OR2C1: variants seen among roughly 807,000 people sequenced by gnomAD.
OR2C1 encodes olfactory receptor family 2 subfamily C member 1, also known as olfactory receptor 2C1.
For missense variants in OR2C1, 468 were observed against 388.3 expected, an observed-to-expected ratio of 1.21 and a Z score of -1.73; for synonymous variants, 209 against 167.3, an observed-to-expected ratio of 1.25 and a Z score of -1.92.
Position 3,356,583 on chromosome 16 carries a change from GTGATCTCCTACTGCCTCA to G in OR2C1, c.645_662del (p.Ile216_Ile221del). The stretch of plus-strand genomic sequence containing the variant: ...CACTGCAGTCCCACTAAGCATCATC[GTGATCTCCTACTGCCTCA>G]TTGCTCAGGCAGTGCTGAAAATCCG... On this transcript the variant is annotated inframe_deletion, in exon 1 of 1. Coordinates refer to ENST00000304936, the MANE Select transcript of OR2C1 (RefSeq NM_012368.3). The G allele has an allele frequency of 6.2e-7, 1 of 1,614,136 alleles. No homozygotes were observed. The highest frequency in any genetic ancestry group is 8.5e-7 in the Non-Finnish European group (1 of 1,180,038).
chr16:3,323,621 A>G, the OR2C1 span: 7 of 728,852 alleles, frequency 9.6e-6, no homozygotes, highest in African/African-American at 1.7e-5. Context: ...TGTCTGCACC[A>G]GTAGACTCAC....
At chr16:3,329,401 A>T in the OR2C1 span, among the ~76,000 whole-genome samples, 1 of 152,214 alleles carries the variant, frequency 6.6e-6, no homozygotes, top group South Asian at 2.1e-4. Flanking sequence ...ATAAGAATAA[A>T]GGCCAAAAAG....
At chr16:3,352,738 CTTTTT>C (rs56083973), upstream of OR2C1, among the ~76,000 whole-genome samples, 4 of 113,134 alleles carry the variant, frequency 3.5e-5, no homozygotes, top group South Asian at 3.0e-4. Context: ...TTCTTTCTTT[CTTTTT>C]TTTTTTTTTT....
chr16:3,341,224 T>A, the OR2C1 span, among the ~76,000 whole-genome samples: 1 of 152,038 alleles, frequency 6.6e-6, no homozygotes, highest in Non-Finnish European at 1.5e-5. Context: ...AATTAAATTA[T>A]TTTTATAATT....
the OR2C1 span, among the ~76,000 whole-genome samples, chr16:3,339,389 T>G: frequency 6.6e-6 from 1 of 151,948 alleles, no homozygotes; most frequent in African/African-American, 2.4e-5. Context: ...AGTGGAATTG[T>G]GGGGTTGTAT....
chr16:3,331,059 A>G, the OR2C1 span, among the ~76,000 whole-genome samples: 2 of 152,134 alleles, frequency 1.3e-5, no homozygotes, highest in Non-Finnish European at 2.9e-5. Context: ...TTGTTTCCTG[A>G]CTTTTTAATG....
the OR2C1 span, among the ~76,000 whole-genome samples, chr16:3,337,988 C>G: frequency 3.9e-5 from 6 of 152,214 alleles, no homozygotes; most frequent in African/African-American, 1.2e-4. Context: ...TCACTGCGTC[C>G]TTTTTGGCAG....
chr16:3,356,176 C>T lies in OR2C1; in HGVS notation c.236C>T (p.Pro79Leu), dbSNP rs751141538. The T allele has an allele frequency of 9.9e-6, 16 of 1,614,092 alleles. No homozygotes were observed. The African/African-American group carries it at 1.7e-4, about 18-fold the overall frequency. ...CTTGCTTTCGCTACTAGTTCAGTCC[C>T]CCAAATGCTGATCAATTTATGGGGA... ...LDLAFATSSV[P>L]QMLINLWGPG... The change falls in exon 1 of 1, where the codon CCC (proline) becomes CTC (leucine). Residue 79 changes from proline (P) to leucine (L), a missense_variant. Coordinates refer to ENST00000304936, the MANE Select transcript of OR2C1 (RefSeq NM_012368.3).
At chr16:3,333,490 C>G in the OR2C1 span, among the ~76,000 whole-genome samples, 12 of 151,990 alleles carry the variant, frequency 7.9e-5, no homozygotes, top group African/African-American at 2.9e-4. Context: ...CACCCACTAC[C>G]GCGCCCGGCT....
chr16:3,344,131 G>A, the OR2C1 span, among the ~76,000 whole-genome samples: 2 of 152,142 alleles, frequency 1.3e-5, no homozygotes, highest in Admixed American at 6.5e-5. Context: ...CGAGGCACGA[G>A]AATCACTTGA....
At chr16:3,348,261 G>T in the OR2C1 span, among the ~76,000 whole-genome samples, 1 of 152,204 alleles carries the variant, frequency 6.6e-6, no homozygotes, top group Non-Finnish European at 1.5e-5. Context: ...TAGTATTTAA[G>T]AGAGGACTTG....
At chr16:3,324,171 A>G in the OR2C1 span, among the ~76,000 whole-genome samples, 1 of 152,220 alleles carries the variant, frequency 6.6e-6, no homozygotes, top group Non-Finnish European at 1.5e-5. Flanking sequence ...CTTGTTACAC[A>G]GAAGAGTTAG....
At chr16:3,343,719 T>A in the OR2C1 span, among the ~76,000 whole-genome samples, 2 of 152,132 alleles carry the variant, frequency 1.3e-5, no homozygotes, top group Non-Finnish European at 2.9e-5. Context: ...GCCACTGCAC[T>A]CCAGCCTGGG....
Position 3,356,974 on chromosome 16 carries a change from G to A in OR2C1, c.*95G>A, listed in dbSNP as rs2030692448. ...GGTGAACATGAGGAATACTAATTCC[G>A]GTAAAACCAAGGCATGTTCCTGACA... is the stretch of plus-strand genomic sequence containing the variant. On this transcript the variant is annotated 3_prime_UTR_variant, in exon 1 of 1. Transcript: ENST00000304936. 1.7e-5 allele frequency: 19 copies of A among 1,120,862 alleles called. No homozygotes were observed. The South Asian group carries it at 2.1e-4, about 13-fold the overall frequency. 69.4% of individuals were successfully genotyped at this position (1,120,862 alleles called of 1,614,324 possible).
chr16:3,348,493 C>A, the OR2C1 span, among the ~76,000 whole-genome samples: 1 of 152,146 alleles, frequency 6.6e-6, no homozygotes, highest in Non-Finnish European at 1.5e-5. Context: ...GGAATAATAA[C>A]CCCTGCCTGG....
chr16:3,352,208 C>T (rs1193941762), upstream of OR2C1, among the ~76,000 whole-genome samples: 1 of 152,010 alleles, frequency 6.6e-6, no homozygotes, highest in Non-Finnish European at 1.5e-5. Flanking sequence ...GCTCCGCCTC[C>T]CAGGTTCAAG....
At chr16:3,333,211 A>ATTTTTTTT in the OR2C1 span, among the ~76,000 whole-genome samples, 22 of 65,824 alleles carry the variant, frequency 3.3e-4, no homozygotes, top group Non-Finnish European at 4.9e-4. Flanking sequence ...TCTTTTGCCC[A>ATTTTTTTT]TTTTTTTTTT....
chr16:3,356,442 T>C lies in OR2C1; in HGVS notation c.502T>C (p.Leu168=), dbSNP rs756469480. ...IQSTFTLQLP[L]CGHRRVEGFL... ...GTCAACATTCACTCTGCAGCTCCCA[T>C]TGTGTGGGCACCGGAGGGTGGAGGG... is the stretch of plus-strand genomic sequence containing the variant. Residue 168 remains leucine, a synonymous_variant, in exon 1 of 1, where the codon TTG becomes CTG. Coordinates refer to ENST00000304936, the MANE Select transcript of OR2C1 (RefSeq NM_012368.3). The C allele has an allele frequency of 5.6e-6, 9 of 1,613,870 alleles. No homozygotes were observed. The highest frequency in any genetic ancestry group is 2.7e-5 in the African/African-American group (2 of 74,938).
the OR2C1 span, among the ~76,000 whole-genome samples, chr16:3,330,343 C>G: frequency 3.4e-4 from 52 of 152,060 alleles, 1 homozygote; most frequent in South Asian, 7.3e-3. Context: ...GTCTCGATCT[C>G]CTGACCTCGT....
Sources: gnomAD v4.1 joint callset for allele counts (sites outside exome capture counted in the v4.1 genomes callset) on GRCh38, gnomAD v4.1.1 for gene constraint, MANE v1.5 for transcripts, NCBI Gene and HGNC (gene_info 2026-07-23, HGNC 2026-07-21) for gene names.